The following MAP3K3 variants were observed in gnomAD, a reference collection of about 807,000 sequenced individuals.
The protein encoded by MAP3K3 is MAP/ERK kinase kinase 3.
A neutral mutation model predicts 80.9 loss-of-function variants in MAP3K3; 12 were observed. That is an observed-to-expected ratio of 0.15 (90% confidence interval 0.10 to 0.24). The LOEUF (loss-of-function observed/expected upper bound fraction) is 0.24, where lower values mean the gene tolerates loss of function less well. Ranked by LOEUF, MAP3K3 falls within the 10% of genes least tolerant of loss-of-function variation. MAP3K3 has a pLI of 1.00. For synonymous variants in MAP3K3, 272 were observed against 307.1 expected (o/e 0.89, Z 1.19); for missense variants, 596 against 834.7 (o/e 0.71, Z 3.52).
chr17:63,657,009 A>G (rs1286537929), intron 4 of MAP3K3, among the ~76,000 whole-genome samples: 3 of 152,204 alleles, frequency 2.0e-5, no homozygotes, highest in African/African-American at 7.2e-5. Flanking sequence ...GGTAGTTTTC[A>G]GGTTCTAGTC....
At chr17:63,684,138 C>T (rs1257132676) in intron 7 of MAP3K3, among the ~76,000 whole-genome samples, 4 of 152,148 alleles carry the variant, frequency 2.6e-5, no homozygotes, top group East Asian at 1.9e-4. Flanking sequence ...GACCCTGTCT[C>T]GAACAACAGC....
intron 3 of MAP3K3, among the ~76,000 whole-genome samples, chr17:63,648,006 C>T (rs758582934): frequency 2.0e-5 from 3 of 152,220 alleles, no homozygotes; most frequent in Non-Finnish European, 4.4e-5. Flanking sequence ...GACTGTCCTC[C>T]CTTTTGGCCC....
At position 63,693,039 on chromosome 17, in the gene MAP3K3, A is replaced by T. The variant is rs1455575955; in HGVS notation, c.1653-510A>T. ...GGCTAATAGGAGGTGAGACAATGAA[A>T]GCAAGAGGTTGGAGTAATACAAGGA... On this transcript the variant is annotated intron_variant, in intron 15 of 15. Transcript: ENST00000361733. This position sits in a 1 kb window ranked among gnomAD's most constrained non-coding sequence, Gnocchi z 4.2. 6.6e-6 allele frequency among the ~76,000 whole-genome samples: 1 copy of T among 152,176 alleles called. No homozygotes were observed. Among genetic ancestry groups the T allele is most frequent in the Non-Finnish European group, 1.5e-5 (1 of 68,020 alleles).
intron 2 of MAP3K3, among the ~76,000 whole-genome samples, chr17:63,641,163 G>A (rs1450763415): frequency 2.0e-5 from 3 of 151,778 alleles, no homozygotes; most frequent in South Asian, 2.1e-4. Context: ...TGATAATTCC[G>A]TAAATTGGAT....
intron 1 of MAP3K3, among the ~76,000 whole-genome samples, chr17:63,632,463 G>A (rs1214178482): frequency 6.6e-6 from 1 of 152,184 alleles, no homozygotes; most frequent in African/African-American, 2.4e-5. Flanking sequence ...CTGCACTCCA[G>A]CCTGAGTGAC....
intron 2 of MAP3K3, among the ~76,000 whole-genome samples, chr17:63,639,841 C>G (rs538860359): frequency 7.8e-4 from 119 of 152,114 alleles, no homozygotes; most frequent in Admixed American, 2.6e-3. Flanking sequence ...AAATATAATG[C>G]CAGGCTTGTG....
intron 7 of MAP3K3, chr17:63,682,784 C>T (rs1434850697): frequency 6.6e-6 from 1 of 152,244 alleles, no homozygotes; most frequent in Non-Finnish European, 1.5e-5. Flanking sequence ...CATAAAACAT[C>T]ACATAATCAT....
At position 63,688,587 on chromosome 17, in the gene MAP3K3, A is replaced by G; in HGVS notation, c.771A>G (p.Glu257=). 38 of 1,614,066 alleles carry G rather than the reference A, an allele frequency of 2.4e-5. No homozygotes were observed. Among genetic ancestry groups the G allele is most frequent in the Non-Finnish European group, 3.2e-5 (38 of 1,179,946 alleles). Residue 257 remains glutamate (E), a synonymous_variant, in exon 9 of 16, where the codon GAA becomes GAG. Coordinates refer to ENST00000361733, the MANE Select transcript of MAP3K3 (RefSeq NM_002401.5). Reference sequence around the variant, plus strand: ...AGAGCTTCCCTGACAACAGACAGGAATACTCAGGTGAGTTCCACAGAGCCT... The same window carrying G: ...AGAGCTTCCCTGACAACAGACAGGAGTACTCAGGTGAGTTCCACAGAGCCT... ...RAQSFPDNRQ[E]YSDRETQLYD...
At chr17:63,637,303 A>G (rs1257440683) in intron 2 of MAP3K3, among the ~76,000 whole-genome samples, 1 of 152,222 alleles carries the variant, frequency 6.6e-6, no homozygotes, top group African/African-American at 2.4e-5. Flanking sequence ...GTTAACATCA[A>G]TGCTATAAGC....
chr17:63,691,456 C>T lies in MAP3K3; in HGVS notation c.1344+223C>T, dbSNP rs1265613756. 2.6e-5 allele frequency among the ~76,000 whole-genome samples: 4 copies of T among 152,170 alleles called. No homozygotes were observed. The highest frequency in any genetic ancestry group is 5.9e-5 in the Non-Finnish European group (4 of 68,032). ...ACAGCTGTCCTAGGTCCAGCACTCC[C>T]CTGAGGCATGCAGGGCTGGCCCACT... On this transcript the variant is annotated intron_variant, in intron 13 of 15. Coordinates refer to ENST00000361733, the MANE Select transcript of MAP3K3 (RefSeq NM_002401.5). This position sits in a 1 kb window ranked among gnomAD's most constrained non-coding sequence, Gnocchi z 4.8.
intron 5 of MAP3K3, among the ~76,000 whole-genome samples, chr17:63,663,339 C>T (rs2034933885): frequency 6.6e-6 from 1 of 151,944 alleles, no homozygotes. Context: ...CCTGTCTCTA[C>T]TGAAAATACA....
chr17:63,662,285 C>T (rs1280214267), intron 5 of MAP3K3, among the ~76,000 whole-genome samples: 2 of 146,344 alleles, frequency 1.4e-5, no homozygotes, highest in South Asian at 2.2e-4. Flanking sequence ...AGGTGTGGTG[C>T]GTGCCTGTGG....
chr17:63,689,377 G>C lies in MAP3K3; in HGVS notation c.872-167G>C. On this transcript the variant is annotated intron_variant, in intron 10 of 15. Transcript: ENST00000361733. The surrounding 1 kb of genome is among the most constrained non-coding windows in gnomAD (Gnocchi z 4.3). ...GCAGCCTCTGTGGAATGAGTCAGGT[G>C]GGAGTGCGGACGGGATGGGCTGGAG... The C allele has an allele frequency of 1.6e-6, 1 of 606,160 alleles. No individual in the cohort carries two copies. Among genetic ancestry groups the C allele is most frequent in the Non-Finnish European group, 2.9e-6 (1 of 343,858 alleles). 37.5% of individuals were successfully genotyped at this position (606,160 alleles called of 1,614,324 possible).
At chr17:63,637,192 C>CA (rs796796374) in intron 2 of MAP3K3, 2,645 of 77,576 alleles carry the variant, frequency 0.034, 24 homozygotes, top group Middle Eastern at 0.07. Flanking sequence ...TGAGACCAAC[C>CA]AAAAAAAAAA....
intron 1 of MAP3K3, among the ~76,000 whole-genome samples, chr17:63,628,715 C>T (rs1180722024): frequency 2.0e-5 from 3 of 151,996 alleles, no homozygotes; most frequent in Non-Finnish European, 4.4e-5. Context: ...ATCTTTTTAT[C>T]CCTAGAGTTT....
chr17:63,624,613 C>T (rs1217827129), intron 1 of MAP3K3, among the ~76,000 whole-genome samples: 4 of 152,214 alleles, frequency 2.6e-5, no homozygotes, highest in African/African-American at 9.6e-5. Context: ...ACCTCAGGAT[C>T]TTCTCATTTG....
chr17:63,679,239 C>G (rs537105407), intron 6 of MAP3K3, among the ~76,000 whole-genome samples: 1 of 152,214 alleles, frequency 6.6e-6, no homozygotes, highest in African/African-American at 2.4e-5. Flanking sequence ...ACAGAGCAAG[C>G]CTCCCCGCCA....
In MAP3K3 at chr17:63,659,036, A is replaced by AT. The variant is rs568202598; in HGVS notation, c.381+1135dup. Among the ~76,000 whole-genome samples, 628 of 151,630 alleles carry AT rather than the reference A, an allele frequency of 4.1e-3. 14 individuals are homozygous for AT. The highest frequency in any genetic ancestry group is 0.027 in the Admixed American group (410 of 15,236). ...CAGGCGTGAGCCACTGTGCCCGGCC[A>AT]TTTTTTAATTTTTTTAGTAGAGATG... On this transcript the variant is annotated intron_variant, in intron 5 of 15. Coordinates refer to ENST00000361733, the MANE Select transcript of MAP3K3 (RefSeq NM_002401.5).
intron 2 of MAP3K3, chr17:63,634,758 C>A: frequency 6.2e-7 from 1 of 1,614,094 alleles, no homozygotes; most frequent in Non-Finnish European, 8.5e-7. Context: ...CCCACAGTAA[C>A]AACAAGCTCA....
Sources: gnomAD v4.1 joint callset for allele counts (sites outside exome capture counted in the v4.1 genomes callset) on GRCh38, gnomAD v4.1.1 for gene constraint, Gnocchi (gnomAD v3.1) non-coding constraint, MANE v1.5 for transcripts, NCBI Gene and HGNC (gene_info 2026-07-23, HGNC 2026-07-21) for gene names.